GRHL1: variants seen among roughly 807,000 people sequenced by gnomAD.
GRHL1 encodes the protein grainyhead-like protein 1 homolog.
A neutral mutation model predicts 75.7 loss-of-function variants in GRHL1; 38 were observed. The ratio of observed to expected loss-of-function variants is 0.50; its 90% CI spans 0.39 to 0.66. The LOEUF is 0.66. GRHL1 is among the 30% of genes least tolerant of loss of function. GRHL1 has a pLI of 0.00. For missense variants in GRHL1, 589 were observed against 767.5 expected, an observed-to-expected ratio of 0.77 and a Z score of 2.75; for synonymous variants, 266 against 279.4, an observed-to-expected ratio of 0.95 and a Z score of 0.48.
chr2:9,984,159 T>C (rs1668319069), intron 8 of GRHL1, among the ~76,000 whole-genome samples: 1 of 150,198 alleles, frequency 6.7e-6, no homozygotes, highest in Non-Finnish European at 1.5e-5. Flanking sequence ...CAAAACTTCA[T>C]CTCAAAAAAA....
chr2:9,995,925 G>T lies in GRHL1; in HGVS notation c.1546G>T (p.Val516Phe). ...GPYGTEDDFA[V>F]PPSTKLARIE... ...GTACGGCACAGAAGATGACTTTGCT[G>T]TCCCTCCTTCTACCAAGCTGGCCCG... Residue 516 changes from valine (V) to phenylalanine (F), a missense_variant, in exon 13 of 16, where the codon GTC becomes TTC. Val to Phe is a conservative substitution (Grantham distance 50). Coordinates refer to ENST00000324907, the MANE Select transcript of GRHL1 (RefSeq NM_198182.3). 1.2e-6 allele frequency: 2 copies of T among 1,613,308 alleles called. No homozygotes were observed. Among genetic ancestry groups the T allele is most frequent in the Non-Finnish European group, 8.5e-7 (1 of 1,179,186 alleles).
At chr2:9,952,479 C>G (rs1221526262) in intron 1 of GRHL1, among the ~76,000 whole-genome samples, 1 of 152,078 alleles carries the variant, frequency 6.6e-6, no homozygotes, top group Non-Finnish European at 1.5e-5. Context: ...TACAGATTAC[C>G]GTGTTTTTAG....
At chr2:9,970,747 G>A (rs1230231240) in intron 8 of GRHL1, among the ~76,000 whole-genome samples, 5 of 152,206 alleles carry the variant, frequency 3.3e-5, no homozygotes, top group Admixed American at 6.5e-5. Context: ...AACAGAGGAC[G>A]CTGTGCTTTT....
chr2:9,997,850 CAAAA>C (rs1258387772), intron 14 of GRHL1, among the ~76,000 whole-genome samples: 2 of 151,024 alleles, frequency 1.3e-5, no homozygotes, highest in African/African-American at 4.9e-5. Flanking sequence ...AACAAACAAA[CAAAA>C]AACATGCAAA....
chr2:9,955,393 A>G (rs1237148299), intron 2 of GRHL1, among the ~76,000 whole-genome samples: 1 of 152,174 alleles, frequency 6.6e-6, no homozygotes, highest in East Asian at 1.9e-4. Context: ...TGAGCATCTC[A>G]CTGAAGGTGG....
Position 10,001,208 on chromosome 2 carries a change from C to T in GRHL1, c.*501C>T, listed in dbSNP as rs1310593912. On this transcript the variant is annotated 3_prime_UTR_variant, in exon 16 of 16. Coordinates refer to ENST00000324907, the MANE Select transcript of GRHL1 (RefSeq NM_198182.3). The stretch of plus-strand genomic sequence containing the variant: ...GAAGAGTACGGGGGGAGCCCTCTCT[C>T]CCTTACCCTCTCACTCTCCACCAGA... The T allele has an allele frequency of 6.6e-6, 1 of 152,650 alleles. No homozygotes were observed. Among genetic ancestry groups the T allele is most frequent in the Non-Finnish European group, 1.5e-5 (1 of 68,088 alleles). 9.5% of individuals were successfully genotyped at this position (152,650 alleles called of 1,614,324 possible).
chr2:9,982,140 G>A (rs1187262012), intron 8 of GRHL1, among the ~76,000 whole-genome samples: 2 of 152,190 alleles, frequency 1.3e-5, no homozygotes, highest in African/African-American at 4.8e-5. Context: ...ATTCTTATTT[G>A]ATAGGGCTAT....
chr2:9,983,037 G>A (rs1316557916), intron 8 of GRHL1, among the ~76,000 whole-genome samples: 2 of 152,170 alleles, frequency 1.3e-5, no homozygotes, highest in African/African-American at 2.4e-5. Context: ...AGACCTAAGC[G>A]GCTGTGCATG....
At position 9,998,462 on chromosome 2, in the gene GRHL1, A is replaced by T. The variant is rs1254172752; in HGVS notation, c.1678-503A>T. On this transcript the variant is annotated intron_variant, in intron 14 of 15. Coordinates refer to ENST00000324907, the MANE Select transcript of GRHL1 (RefSeq NM_198182.3). ...TGTGTGTGTGTGTATATATATACAT[A>T]TATATACGTATATATATACATATAT... 5.3e-5 allele frequency among the ~76,000 whole-genome samples: 2 copies of T among 37,730 alleles called. 1 individual carries two copies. Among genetic ancestry groups the T allele is most frequent in the Non-Finnish European group, 9.8e-5 (2 of 20,486 alleles). The allele number at this position is 37,730 out of a possible 152,430, so 24.8% of individuals were successfully genotyped here.
intron 8 of GRHL1, among the ~76,000 whole-genome samples, chr2:9,981,737 C>T (rs779031045): frequency 1.3e-5 from 2 of 152,198 alleles, no homozygotes; most frequent in African/African-American, 2.4e-5. Flanking sequence ...TTACTTACTA[C>T]CCAGTATGCA....
intron 9 of GRHL1, among the ~76,000 whole-genome samples, chr2:9,989,482 G>T (rs1336847221): frequency 1.3e-5 from 2 of 152,134 alleles, no homozygotes; most frequent in East Asian, 3.9e-4. Flanking sequence ...CAGCTGCATG[G>T]TACTATCGGT....
intron 8 of GRHL1, among the ~76,000 whole-genome samples, chr2:9,984,479 G>C (rs1228452727): frequency 6.6e-6 from 1 of 152,222 alleles, no homozygotes; most frequent in East Asian, 1.9e-4. Context: ...AAATAGTGGG[G>C]AAATGGCACA....
At chr2:9,991,900 T>TAC (rs1558314261) in intron 10 of GRHL1, 107 bp from the exon 11 acceptor site, 1 of 800,804 alleles carries the variant, frequency 1.2e-6, no homozygotes, top group Non-Finnish European at 1.9e-6. Flanking sequence ...TACAGAGTGC[T>TAC]ACACTTGGAG....
At chr2:9,958,174 C>CTTT (rs61051898) in intron 2 of GRHL1, among the ~76,000 whole-genome samples, 6,527 of 130,672 alleles carry the variant, frequency 0.05, 236 homozygotes, top group Non-Finnish European at 0.073. Flanking sequence ...TTCTTTTTTT[C>CTTT]TTTTTTTTTT....
rs1669002790 is a variant in GRHL1 at position 9,998,502 on chromosome 2, A to ATATATACG, written c.1678-457_1678-456insCGTATATA. On this transcript the variant is annotated intron_variant, in intron 14 of 15. Coordinates refer to ENST00000324907, the MANE Select transcript of GRHL1 (RefSeq NM_198182.3). ...TATACATATATATACGTATATATAC[A>ATATATACG]TATATATACGTATATATATACATAT... Among the ~76,000 whole-genome samples, 7 of 4,938 alleles carry ATATATACG rather than the reference A, an allele frequency of 1.4e-3. 2 individuals carry two copies. The highest frequency in any genetic ancestry group is 0.023 in the South Asian group (2 of 86). The allele number at this position is 4,938 out of a possible 152,430, so 3.2% of individuals were successfully genotyped here. A position where few individuals can be genotyped will look rare whatever the true frequency, so the allele number is the denominator to read the frequency against.
chr2:9,974,917 A>G (rs1667884549), intron 8 of GRHL1, among the ~76,000 whole-genome samples: 1 of 152,240 alleles, frequency 6.6e-6, no homozygotes, highest in African/African-American at 2.4e-5. Flanking sequence ...GAGGGTAAAA[A>G]CATGCTCTTA....
At chr2:9,973,833 C>G (rs1667835431) in intron 8 of GRHL1, among the ~76,000 whole-genome samples, 1 of 152,160 alleles carries the variant, frequency 6.6e-6, no homozygotes, top group African/African-American at 2.4e-5. Context: ...TAAAGACTCC[C>G]AGAGGCAACT....
chr2:9,990,768 TC>T lies in GRHL1; in HGVS notation c.1321+24del. On this transcript the variant is annotated intron_variant, in intron 10 of 15. Transcript: ENST00000324907. The surrounding 1 kb of genome is among the most constrained non-coding windows in gnomAD (Gnocchi z 4.2). ...AAAAGGCAAGTGTCCTGACCCCAGC[TC>T]CCAGGTGAATGCCTGTAAGTAGAAA... 1 of 1,598,732 alleles carries T rather than the reference TC, an allele frequency of 6.3e-7. No individual in the cohort carries two copies. Among genetic ancestry groups the T allele is most frequent in the Admixed American group, 1.7e-5 (1 of 58,432 alleles).
At chr2:9,965,044 G>T in intron 7 of GRHL1, 2 of 405,064 alleles carry the variant, frequency 4.9e-6, no homozygotes, top group Non-Finnish European at 4.4e-6. Context: ...AAACTTTTTA[G>T]ACTTAAATTT....
Sources: allele counts gnomAD v4.1 joint callset (sites outside exome capture counted in the v4.1 genomes callset), GRCh38; gene constraint gnomAD v4.1.1; non-coding constraint Gnocchi (gnomAD v3.1); transcripts MANE v1.5; gene names NCBI Gene and HGNC (gene_info 2026-07-23, HGNC 2026-07-21).